Variants in PTPRS observed in about 807,000 individuals in gnomAD.
PTPRS encodes the protein receptor-type tyrosine-protein phosphatase S.
A neutral mutation model predicts 215.3 loss-of-function variants in PTPRS; 63 were observed. The ratio of observed to expected loss-of-function variants is 0.29; its 90% confidence interval spans 0.24 to 0.36. PTPRS has a LOEUF of 0.36. Among genes scored for constraint, PTPRS ranks in the 10% least tolerant of loss-of-function variants. The pLI is 1.00. For missense variants in PTPRS, 2,258 were observed against 2,825.8 expected (o/e 0.80, Z 4.56); for synonymous variants, 1,404 against 1,191.4 (o/e 1.18, Z -3.68).
rs746314521 is a variant in PTPRS, at chr19:5,293,923, AG to A, written c.-94-7690del. ...TGCCAGGCCCGCGACACCGGAGCAGAGGGAGAGGAGGAGGGAGAGGGAGGGG... is the reference window on the plus strand; with the variant it reads ...TGCCAGGCCCGCGACACCGGAGCAGAGGAGAGGAGGAGGGAGAGGGAGGGG... On this transcript the variant is annotated intron_variant, in intron 1 of 37. Transcript: ENST00000262963. This position sits in a 1 kb window ranked among gnomAD's most constrained non-coding sequence, Gnocchi z 8.4. Among the ~76,000 whole-genome samples the A allele has an allele frequency of 3.3e-5, 5 of 152,120 alleles. No individual in the cohort carries two copies. Among genetic ancestry groups the A allele is most frequent in the Non-Finnish European group, 7.4e-5 (5 of 68,010 alleles).
intron 6 of PTPRS, among the ~76,000 whole-genome samples, 199 bp from the exon 7 acceptor site, chr19:5,261,021 G>A (rs1337271102): frequency 6.6e-6 from 1 of 152,100 alleles, no homozygotes; most frequent in African/African-American, 2.4e-5. Context: ...AGCAGGGTGA[G>A]GTCTGAGGGC....
At chr19:5,296,811 G>A (rs997394045) in intron 1 of PTPRS, among the ~76,000 whole-genome samples, 2 of 152,130 alleles carry the variant, frequency 1.3e-5, no homozygotes, top group African/African-American at 4.8e-5. Context: ...TGAGGAAGGT[G>A]GGAGCCATGG....
At chr19:5,264,049 G>A (rs2046225109) in intron 5 of PTPRS, among the ~76,000 whole-genome samples, 1 of 152,198 alleles carries the variant, frequency 6.6e-6, no homozygotes, top group Non-Finnish European at 1.5e-5. Context: ...AGACACAATG[G>A]TGGAACCACC....
At chr19:5,309,261 T>C (rs1426751188) in intron 1 of PTPRS, among the ~76,000 whole-genome samples, 4 of 152,178 alleles carry the variant, frequency 2.6e-5, no homozygotes, top group African/African-American at 9.7e-5. Flanking sequence ...TTAACCTCTC[T>C]GGGCTTCAGC....
chr19:5,321,574 G>A (rs182160738), intron 1 of PTPRS, among the ~76,000 whole-genome samples: 57 of 152,336 alleles, frequency 3.7e-4, no homozygotes, highest in African/African-American at 1.1e-3. Flanking sequence ...AGTTTGGCTC[G>A]TGCCTCGTGA....
At chr19:5,232,243 A>C (rs1015048652) in intron 13 of PTPRS, among the ~76,000 whole-genome samples, 1 of 152,116 alleles carries the variant, frequency 6.6e-6, no homozygotes, top group Non-Finnish European at 1.5e-5. Flanking sequence ...TGCCAAGGGG[A>C]ACAGCAATAG....
chr19:5,210,945 G>T lies in PTPRS; in HGVS notation c.5235-140C>A, dbSNP rs923022307. On this transcript the variant is annotated intron_variant, in intron 33 of 37. Transcript: ENST00000262963. The surrounding 1 kb of genome is among the most constrained non-coding windows in gnomAD (Gnocchi z 4.5). ...ACTGCCTGCCAGGAATGGCTGCTGG[G>T]TGCACCACTTCCCCTCCTGGTGATC... 15 of 1,173,708 alleles carry T rather than the reference G, an allele frequency of 1.3e-5. No homozygotes were observed. The African/African-American group carries it at 2.3e-4, about 18-fold the overall frequency. The allele number at this position is 1,173,708 out of a possible 1,614,324, so 72.7% of individuals were successfully genotyped here. A position where few individuals can be genotyped will look rare whatever the true frequency, so the allele number is the denominator to read the frequency against.
intron 2 of PTPRS, among the ~76,000 whole-genome samples, chr19:5,280,708 C>A (rs2047772472): frequency 6.6e-6 from 1 of 151,978 alleles, no homozygotes; most frequent in African/African-American, 2.4e-5. Flanking sequence ...GTGACAAAAG[C>A]AAAACTCTGT....
intron 1 of PTPRS, among the ~76,000 whole-genome samples, chr19:5,336,668 T>C (rs1265498011): frequency 6.6e-6 from 1 of 152,090 alleles, no homozygotes; most frequent in Non-Finnish European, 1.5e-5. Context: ...TTTTGGTTTT[T>C]TTGTTTTGTT....
intron 4 of PTPRS, among the ~76,000 whole-genome samples, chr19:5,271,838 C>T (rs1164439912): frequency 6.6e-6 from 1 of 151,558 alleles, no homozygotes; most frequent in Non-Finnish European, 1.5e-5. Flanking sequence ...AACTCTCCTG[C>T]CTCAGCCTCC....
chr19:5,247,851 G>T (rs1251836224), intron 9 of PTPRS, among the ~76,000 whole-genome samples: 1 of 151,972 alleles, frequency 6.6e-6, no homozygotes, highest in African/African-American at 2.4e-5. Flanking sequence ...ACGTCGGCAG[G>T]CGTGGGAGTG....
intron 9 of PTPRS, among the ~76,000 whole-genome samples, chr19:5,252,294 C>T (rs564879041): frequency 1.3e-5 from 2 of 152,084 alleles, no homozygotes; most frequent in East Asian, 1.9e-4. Flanking sequence ...ATTGCTCAAC[C>T]GGCAGGGCAC....
chr19:5,209,580 G>A (rs1258827924), intron 35 of PTPRS, among the ~76,000 whole-genome samples: 1 of 152,012 alleles, frequency 6.6e-6, no homozygotes, highest in Non-Finnish European at 1.5e-5. Flanking sequence ...ATTGACTATT[G>A]TTTACTGTCC....
intron 9 of PTPRS, among the ~76,000 whole-genome samples, chr19:5,254,001 GCA>G (rs774199188): frequency 1.1e-3 from 169 of 152,244 alleles, no homozygotes; most frequent in Non-Finnish European, 1.7e-3. Flanking sequence ...CCAGGGAGGG[GCA>G]CAGACAAAAC....
rs757568361 is a variant in PTPRS at position 5,212,473 on chromosome 19, G to T, written c.4633C>A (p.Arg1545Ser). 1.0e-5 allele frequency: 16 copies of T among 1,592,764 alleles called. No homozygotes were observed. The East Asian group carries it at 2.7e-4, about 27-fold the overall frequency. Residue 1545 changes from arginine (R) to serine (S), a missense_variant, in exon 31 of 38, where the codon CGC (arginine) becomes AGC (serine). Physicochemically the swap from Arg to Ser is moderately radical, Grantham distance 110 (BLOSUM62 -1). Coordinates refer to ENST00000262963, the MANE Select transcript of PTPRS (RefSeq NM_002850.4). ...GTAAACTGGAACTGGCGGACCTCGC[G>T]TTTCTCACTGGAGCCATTCTGGGGA... ...SLHKNGSSEK[R>S]EVRQFQFTAW...
rs777504731 is a variant in PTPRS at position 5,273,590 on chromosome 19, T to A, written c.238-7A>T. 6.2e-7 allele frequency: 1 copy of A among 1,613,962 alleles called. No individual in the cohort carries two copies. The highest frequency in any genetic ancestry group is 1.7e-5 in the Admixed American group (1 of 59,990). On this transcript the variant is annotated splice_polypyrimidine_tract_variant and splice_region_variant and intron_variant, in intron 3 of 37. Coordinates refer to ENST00000262963, the MANE Select transcript of PTPRS (RefSeq NM_002850.4). Reference sequence around the variant, plus strand: ...TCTCATCAAACTCAATCGTCTGCCATGGGCAGGGGAAAAAAGAACAGAGTG... The same window carrying A: ...TCTCATCAAACTCAATCGTCTGCCAAGGGCAGGGGAAAAAAGAACAGAGTG...
Position 5,266,002 on chromosome 19 carries a change from G to A in PTPRS, c.380-806C>T, listed in dbSNP as rs576259782. On this transcript the variant is annotated intron_variant, in intron 4 of 37. Transcript: ENST00000262963. ...CAGCTGGACGCGGTGGCTCATGCCTGTAATCCCAGCACTTTGGGAGGCCGA... is the reference window on the plus strand; with the variant it reads ...CAGCTGGACGCGGTGGCTCATGCCTATAATCCCAGCACTTTGGGAGGCCGA... Among the ~76,000 whole-genome samples the A allele has an allele frequency of 6.0e-4, 91 of 152,270 alleles. 4 individuals are homozygous for A. In the South Asian group the frequency reaches 0.018, roughly 30 times the overall value.
chr19:5,214,295 G>C, intron 30 of PTPRS, 66 bp downstream of exon 30: 1 of 1,607,462 alleles, frequency 6.2e-7, no homozygotes, highest in Admixed American at 1.7e-5. Context: ...GTAGAAGCTG[G>C]GGCCCTCTGC....
intron 1 of PTPRS, among the ~76,000 whole-genome samples, chr19:5,336,011 G>A (rs1357199244): frequency 1.3e-5 from 2 of 148,880 alleles, no homozygotes; most frequent in African/African-American, 5.0e-5. Flanking sequence ...GGAGGAGGAG[G>A]AGGAGGAAAA....
Sources: gnomAD v4.1 joint callset for allele counts (sites outside exome capture counted in the v4.1 genomes callset) on GRCh38, gnomAD v4.1.1 for gene constraint, Gnocchi (gnomAD v3.1) non-coding constraint, MANE v1.5 for transcripts, NCBI Gene and HGNC (gene_info 2026-07-23, HGNC 2026-07-21) for gene names.